Variants in KIAA1549 observed in about 807,000 individuals in gnomAD.
KIAA1549 encodes KIAA1549.
Under a neutral mutation model 156.4 loss-of-function variants are expected in KIAA1549, and 70 were observed. The observed-to-expected ratio is 0.45, with a 90% CI of 0.37 to 0.55. The LOEUF is 0.55. Ranked by LOEUF, KIAA1549 falls within the 20% of genes least tolerant of loss-of-function variation. KIAA1549 has a pLI of 0.00. For missense variants in KIAA1549, 2,428 were observed against 2,540.9 expected (o/e 0.96, Z 0.96); for synonymous variants, 1,103 against 1,066.4 (o/e 1.03, Z -0.67).
chr7:138,906,624 A>C (rs1421132032), intron 6 of KIAA1549, among the ~76,000 whole-genome samples: 1 of 152,190 alleles, frequency 6.6e-6, no homozygotes, highest in Non-Finnish European at 1.5e-5. Flanking sequence ...CAAAGGCATA[A>C]GAATGATACA....
chr7:138,898,965 G>A lies in KIAA1549; in HGVS notation c.3837C>T (p.Val1279=). Residue 1279 remains valine (V), a synonymous_variant, in exon 9 of 20, where the codon GTC becomes GTT. Coordinates refer to ENST00000422774, the MANE Select transcript of KIAA1549 (RefSeq NM_001164665.2). ...AIILGYRIQG[V]IAQPVDRVKR... ...ACCTCAGGCACTTACGCTGGGCAATGACACCTTGAATTCGGTAACCCAAGA... is the reference window on the plus strand; with the variant it reads ...ACCTCAGGCACTTACGCTGGGCAATAACACCTTGAATTCGGTAACCCAAGA... The A allele has an allele frequency of 1.2e-6, 2 of 1,613,756 alleles. No individual in the cohort carries two copies. The highest frequency in any genetic ancestry group is 1.7e-6 in the Non-Finnish European group (2 of 1,179,706).
intron 17 of KIAA1549, among the ~76,000 whole-genome samples, chr7:138,847,957 T>C (rs1178103434): frequency 1.3e-5 from 2 of 152,228 alleles, no homozygotes; most frequent in African/African-American, 2.4e-5. Flanking sequence ...TTAAATGACA[T>C]CTTTGAAATT....
chr7:138,903,174 T>C (rs1811891839), intron 8 of KIAA1549, among the ~76,000 whole-genome samples: 1 of 152,218 alleles, frequency 6.6e-6, no homozygotes, highest in African/African-American at 2.4e-5. Flanking sequence ...CGTCTCCCTC[T>C]ATCTGCTCTC....
At chr7:138,840,728 C>T (rs1017123944) in intron 18 of KIAA1549, among the ~76,000 whole-genome samples, 2 of 152,128 alleles carry the variant, frequency 1.3e-5, no homozygotes, top group South Asian at 2.1e-4. Context: ...CTCTTTCCTG[C>T]GCACTTCTAC....
chr7:138,926,277 C>T (rs1812715806), intron 1 of KIAA1549, among the ~76,000 whole-genome samples: 2 of 150,982 alleles, frequency 1.3e-5, no homozygotes, highest in South Asian at 4.2e-4. Context: ...GCAACTTTTT[C>T]CTTTTTCTTT....
intron 1 of KIAA1549, among the ~76,000 whole-genome samples, chr7:138,928,533 C>T (rs903944265): frequency 2.0e-5 from 3 of 151,292 alleles, no homozygotes; most frequent in Non-Finnish European, 4.4e-5. Context: ...GTGATCCACC[C>T]GCCTCAGCCT....
chr7:138,877,444 A>G (rs1167288718), intron 12 of KIAA1549, among the ~76,000 whole-genome samples: 1 of 152,234 alleles, frequency 6.6e-6, no homozygotes, highest in Non-Finnish European at 1.5e-5. Context: ...CAGTGAGCCA[A>G]GATAGCACCA....
chr7:138,879,636 G>C lies in KIAA1549; in HGVS notation c.4247C>G (p.Ala1416Gly), dbSNP rs1236498320. 6.5e-7 allele frequency: 1 copy of C among 1,546,828 alleles called. No individual in the cohort carries two copies. The highest frequency in any genetic ancestry group is 8.7e-7 in the Non-Finnish European group (1 of 1,145,724). The change falls in exon 12 of 20, where the codon GCT becomes GGT. Residue 1416 changes from alanine (A) to glycine (G), a missense_variant. Ala to Gly is a moderately conservative substitution (Grantham distance 60). This residue lies in a region of KIAA1549 where 404 missense variants were observed against 417.0 expected (regional missense o/e 0.97). Transcript: ENST00000422774. ...GGACTCTTCACTGACCGTAGAGTCAGCATCTGAGGGAGAAACTCTGCAGAC... is the reference window on the plus strand; with the variant it reads ...GGACTCTTCACTGACCGTAGAGTCACCATCTGAGGGAGAAACTCTGCAGAC... Reference protein sequence around the residue: ...RHRGRVSPSDADSTVSEESSE... With the variant: ...RHRGRVSPSDGDSTVSEESSE...
intron 17 of KIAA1549, among the ~76,000 whole-genome samples, chr7:138,845,033 G>A (rs1049391981): frequency 1.3e-5 from 2 of 151,998 alleles, no homozygotes; most frequent in African/African-American, 2.4e-5. Flanking sequence ...GCAGCGGATC[G>A]CAAACTTTTT....
Position 138,844,347 on chromosome 7 carries a change from C to T in KIAA1549, c.5422G>A (p.Ala1808Thr), listed in dbSNP as rs768725571. Residue 1808 changes from alanine (A) to threonine (T), a missense_variant, in exon 18 of 20, where the codon GCC becomes ACC. By Grantham distance (58) the Ala-to-Thr change is moderately conservative. Transcript: ENST00000422774. Reference sequence around the variant, plus strand: ...GTACCCCCGACAGGCCGAGGCCGGGCCACCGACGGCATCTCCTCCGAGTAG... The same window carrying T: ...GTACCCCCGACAGGCCGAGGCCGGGTCACCGACGGCATCTCCTCCGAGTAG... ...GIYSEEMPSV[A>T]RPRPVGGTTG... 8 of 1,613,898 alleles carry T rather than the reference C, an allele frequency of 5.0e-6. No individual in the cohort carries two copies. Among genetic ancestry groups the T allele is most frequent in the Non-Finnish European group, 6.8e-6 (8 of 1,179,856 alleles).
intron 1 of KIAA1549, among the ~76,000 whole-genome samples, chr7:138,943,785 C>G (rs931678499): frequency 1.3e-3 from 204 of 151,998 alleles, no homozygotes; most frequent in African/African-American, 4.5e-3. Context: ...GAAGGCAGAG[C>G]TTGCAGTGAG....
chr7:138,872,846 G>A (rs1240157949), intron 12 of KIAA1549, among the ~76,000 whole-genome samples: 1 of 152,168 alleles, frequency 6.6e-6, no homozygotes, highest in Non-Finnish European at 1.5e-5. Flanking sequence ...AGAGGGTGCA[G>A]TGAGCCGAGA....
In KIAA1549 at chr7:138,899,116, C is replaced by A; in HGVS notation, c.3686G>T (p.Arg1229Met). Residue 1229 changes from arginine (R) to methionine (M), a missense_variant, in exon 9 of 20, where the codon AGG (arginine) becomes ATG (methionine). Arg to Met is a moderately conservative substitution (Grantham distance 91, BLOSUM62 -1). This residue lies in a region of KIAA1549 where 762 missense variants were observed against 901.6 expected (regional missense o/e 0.85). Transcript: ENST00000422774. ...NSVVQVVNVS[R>M]LEGDDNPVQL... ...TACCGGATTGTCATCTCCCTCCAGCCTCGACACATTTACCACCTGAAAGAT... is the reference window on the plus strand; with the variant it reads ...TACCGGATTGTCATCTCCCTCCAGCATCGACACATTTACCACCTGAAAGAT... 2 of 1,613,784 alleles carry A rather than the reference C, an allele frequency of 1.2e-6. No individual in the cohort carries two copies. The highest frequency in any genetic ancestry group is 3.3e-4 in the Middle Eastern group (2 of 6,060).
Position 138,836,976 on chromosome 7 carries a change from G to C in KIAA1549, c.*930C>G, listed in dbSNP as rs1809726932. On this transcript the variant is annotated 3_prime_UTR_variant, in exon 20 of 20. Coordinates refer to ENST00000422774, the MANE Select transcript of KIAA1549 (RefSeq NM_001164665.2). ...AATTTGTGAACAAATCAACAGCAAA[G>C]TGGAAGAAAGGATCAGTTAGGACCT... 1 of 227,816 alleles carries C rather than the reference G, an allele frequency of 4.4e-6. No individual in the cohort carries two copies. The highest frequency in any genetic ancestry group is 8.7e-6 in the Non-Finnish European group (1 of 114,792). The allele number at this position is 227,816 out of a possible 1,614,324, so 14.1% of individuals were successfully genotyped here. A position where few individuals can be genotyped will look rare whatever the true frequency, so the allele number is the denominator to read the frequency against.
chr7:138,861,829 T>A (rs887528209), intron 15 of KIAA1549, among the ~76,000 whole-genome samples: 1 of 151,918 alleles, frequency 6.6e-6, no homozygotes, highest in Non-Finnish European at 1.5e-5. Context: ...TATAATCGCA[T>A]CATTGTACTC....
chr7:138,837,893 G>C lies in KIAA1549; in HGVS notation c.*13C>G, dbSNP rs575466205. The C allele has an allele frequency of 1.2e-6, 2 of 1,611,238 alleles. No individual in the cohort carries two copies. The highest frequency in any genetic ancestry group is 4.5e-5 in the East Asian group (2 of 44,830). On this transcript the variant is annotated 3_prime_UTR_variant, in exon 20 of 20. Coordinates refer to ENST00000422774, the MANE Select transcript of KIAA1549 (RefSeq NM_001164665.2). Reference sequence around the variant, plus strand: ...GGAAGCGGATACTTGGCAAATCTGCGAGGCGAGGCCGATCAGCTGTGGAAG... The same window carrying C: ...GGAAGCGGATACTTGGCAAATCTGCCAGGCGAGGCCGATCAGCTGTGGAAG...
At position 138,939,664 on chromosome 7, in the gene KIAA1549, C is replaced by T. The variant is rs926356605; in HGVS notation, c.188-20226G>A. On this transcript the variant is annotated intron_variant, in intron 1 of 19. Coordinates refer to ENST00000422774, the MANE Select transcript of KIAA1549 (RefSeq NM_001164665.2). ...ATTTCCACTGTATCACGGCAGGAAG[C>T]GCCTGGTTTCTGGCTGTTCTATTCT... Among the ~76,000 whole-genome samples the T allele has an allele frequency of 3.9e-5, 6 of 152,156 alleles. No homozygotes were observed. The East Asian group carries it at 5.8e-4, about 15-fold the overall frequency.
chr7:138,912,324 CA>C, intron 3 of KIAA1549, 47 bp downstream of exon 3: 2 of 1,377,280 alleles, frequency 1.5e-6, no homozygotes, highest in Non-Finnish European at 2.1e-6. Flanking sequence ...GCTCTCACAT[CA>C]GCCCCAGTCT....
At position 138,917,114 on chromosome 7, in the gene KIAA1549, A is replaced by C. The variant is rs572342171; in HGVS notation, c.2512T>G (p.Leu838Val). 5.6e-6 allele frequency: 9 copies of C among 1,612,460 alleles called. No homozygotes were observed. The African/African-American group carries it at 1.1e-4, about 19-fold the overall frequency. ...GATGGCAGGTACGCGTCAGTGATCA[A>C]CACCGTACCAGTGGGAATGGCTTTG... ...FSKAIPTGTV[L>V]ITDAYLPSGS... Residue 838 changes from leucine to valine, a missense_variant, in exon 2 of 20, where the codon TTG becomes GTG. Leu to Val is a conservative substitution (Grantham distance 32). Around this residue, in one of 5 missense-constraint regions of KIAA1549, gnomAD observed 762 missense variants for 901.6 expected, o/e 0.85. Coordinates refer to ENST00000422774, the MANE Select transcript of KIAA1549 (RefSeq NM_001164665.2).
Sources: allele counts gnomAD v4.1 joint callset (sites outside exome capture counted in the v4.1 genomes callset), GRCh38; gene constraint gnomAD v4.1.1; regional missense constraint gnomAD v4.1.1; transcripts MANE v1.5; gene names NCBI Gene and HGNC (gene_info 2026-07-23, HGNC 2026-07-21).